INTS9: variants seen among roughly 807,000 people sequenced by gnomAD.
The protein encoded by INTS9 is protein related to CPSF subunits of 74 kDa.
In INTS9, 55 loss-of-function variants were observed where a neutral mutation model predicts 79.7. That is an observed-to-expected ratio of 0.69 (90% CI 0.56 to 0.86). The LOEUF (loss-of-function observed/expected upper bound fraction) is 0.86. INTS9 is among the 40% of genes least tolerant of loss of function. The probability of loss-of-function intolerance (pLI) is 0.00; values close to 1 mark genes in which losing one functional copy is unlikely to be tolerated. For synonymous variants in INTS9, 319 were observed against 325.2 expected, an observed-to-expected ratio of 0.98 and a Z score of 0.20; for missense variants, 721 against 831.5, an observed-to-expected ratio of 0.87 and a Z score of 1.64.
At chr8:28,858,358 A>G (rs1375318841) in intron 2 of INTS9, among the ~76,000 whole-genome samples, 1 of 152,190 alleles carries the variant, frequency 6.6e-6, no homozygotes, top group African/African-American at 2.4e-5. Context: ...AACAGTGCAG[A>G]TTTTTAAGAA....
intron 6 of INTS9, among the ~76,000 whole-genome samples, chr8:28,831,520 C>T (rs919979394): frequency 2.6e-5 from 4 of 152,160 alleles, no homozygotes; most frequent in Non-Finnish European, 4.4e-5. Flanking sequence ...CAGGCCCCTC[C>T]CTAGCCTTCT....
chr8:28,803,378 C>T (rs548732095), intron 8 of INTS9, among the ~76,000 whole-genome samples: 39 of 152,300 alleles, frequency 2.6e-4, no homozygotes, highest in African/African-American at 7.7e-4. Context: ...AGAAAGGCTG[C>T]AGCTTCAATA....
intron 8 of INTS9, among the ~76,000 whole-genome samples, chr8:28,808,864 T>G (rs1373595730): frequency 6.6e-6 from 1 of 152,218 alleles, no homozygotes; most frequent in African/African-American, 2.4e-5. Context: ...CCTGTGATAT[T>G]CTTCCTAGTT....
At chr8:28,806,046 A>G (rs1804790001) in intron 8 of INTS9, among the ~76,000 whole-genome samples, 1 of 151,390 alleles carries the variant, frequency 6.6e-6, no homozygotes, top group Non-Finnish European at 1.5e-5. Flanking sequence ...CCTGGGCAAT[A>G]TAGGAAGATC....
At chr8:28,886,962 A>G (rs935705359) in intron 1 of INTS9, among the ~76,000 whole-genome samples, 1 of 152,200 alleles carries the variant, frequency 6.6e-6, no homozygotes, top group Non-Finnish European at 1.5e-5. Flanking sequence ...TCACTCTTTA[A>G]TCTTTTCTCA....
At chr8:28,867,852 G>A (rs1320120899) in intron 1 of INTS9, among the ~76,000 whole-genome samples, 1 of 151,916 alleles carries the variant, frequency 6.6e-6, no homozygotes, top group Non-Finnish European at 1.5e-5. Context: ...TACTCTGTAA[G>A]AACTTTATAT....
At chr8:28,801,093 C>CAT (rs1355497881) in intron 8 of INTS9, among the ~76,000 whole-genome samples, 2 of 152,160 alleles carry the variant, frequency 1.3e-5, no homozygotes, top group African/African-American at 2.4e-5. Flanking sequence ...CAGATCAGAG[C>CAT]ATAGTATTGC....
intron 6 of INTS9, among the ~76,000 whole-genome samples, chr8:28,832,503 CAT>C (rs1400957963): frequency 3.3e-5 from 5 of 152,190 alleles, no homozygotes; most frequent in Admixed American, 6.5e-5. Context: ...TGAGAAGAGG[CAT>C]GTGTGTGTGC....
chr8:28,872,125 G>A (rs1426575383), intron 1 of INTS9, among the ~76,000 whole-genome samples: 1 of 152,076 alleles, frequency 6.6e-6, no homozygotes, highest in African/African-American at 2.4e-5. Flanking sequence ...TTACTCTATG[G>A]GTAAAAACTA....
chr8:28,835,467 G>A, intron 5 of INTS9, 89 bp from the exon 6 acceptor site: 1 of 785,486 alleles, frequency 1.3e-6, no homozygotes, highest in Non-Finnish European at 2.2e-6. Context: ...GAAATGACTT[G>A]CCCACCTCCC....
At chr8:28,873,926 A>C (rs949861063) in intron 1 of INTS9, among the ~76,000 whole-genome samples, 1 of 152,170 alleles carries the variant, frequency 6.6e-6, no homozygotes, top group Non-Finnish European at 1.5e-5. Context: ...CATTCTTCTC[A>C]TACTATATCA....
At chr8:28,822,489 C>T (rs1208351054) in intron 6 of INTS9, among the ~76,000 whole-genome samples, 1 of 152,118 alleles carries the variant, frequency 6.6e-6, no homozygotes, top group Admixed American at 6.6e-5. Flanking sequence ...TCTGATAAAA[C>T]TTTATAAAAA....
intron 1 of INTS9, among the ~76,000 whole-genome samples, chr8:28,863,708 G>T (rs1808575854): frequency 6.6e-6 from 1 of 152,216 alleles, no homozygotes; most frequent in Admixed American, 6.5e-5. Context: ...TTTGAGCCCA[G>T]GAGGCAGAGG....
At chr8:28,817,658 G>C (rs1805575908) in intron 6 of INTS9, among the ~76,000 whole-genome samples, 1 of 151,650 alleles carries the variant, frequency 6.6e-6, no homozygotes, top group South Asian at 2.1e-4. Flanking sequence ...GGTTCCATAT[G>C]AACTTTAAAG....
intron 1 of INTS9, among the ~76,000 whole-genome samples, chr8:28,876,243 C>T (rs535034806): frequency 7.2e-5 from 11 of 152,262 alleles, no homozygotes; most frequent in African/African-American, 2.6e-4. Flanking sequence ...TTACTCATTT[C>T]TTCCCTGTGT....
chr8:28,818,550 T>G (rs908656865), intron 6 of INTS9, among the ~76,000 whole-genome samples: 6 of 152,130 alleles, frequency 3.9e-5, no homozygotes, highest in Non-Finnish European at 8.8e-5. Context: ...TGGATTCGGT[T>G]TGCCAGTATT....
At chr8:28,795,885 C>T (rs1209906153) in intron 9 of INTS9, among the ~76,000 whole-genome samples, 1 of 152,176 alleles carries the variant, frequency 6.6e-6, no homozygotes, top group Non-Finnish European at 1.5e-5. Flanking sequence ...GCAGAACTTC[C>T]AGATTTAGTG....
intron 11 of INTS9, among the ~76,000 whole-genome samples, chr8:28,784,645 A>G (rs560025000): frequency 6.6e-6 from 1 of 152,246 alleles, no homozygotes; most frequent in Non-Finnish European, 1.5e-5. Context: ...ATCCCTAAAC[A>G]TATCTATCTG....
chr8:28,792,597 T>C (rs1320019101), intron 10 of INTS9, among the ~76,000 whole-genome samples: 2 of 151,536 alleles, frequency 1.3e-5, no homozygotes, highest in African/African-American at 2.4e-5. Context: ...AGAATAAAGA[T>C]TCAGAGTTAA....
Sources: gnomAD v4.1 joint callset for allele counts (sites outside exome capture counted in the v4.1 genomes callset) on GRCh38, gnomAD v4.1.1 for gene constraint, MANE v1.5 for transcripts, NCBI Gene and HGNC (gene_info 2026-07-23, HGNC 2026-07-21) for gene names.